Variants in PEMT observed in about 807,000 individuals in gnomAD.
PEMT encodes the protein phospholipid methyltransferase.
PEMT carries 23 observed loss-of-function variants against 27.4 expected under a neutral mutation model. The ratio of observed to expected loss-of-function variants is 0.84; its 90% CI spans 0.60 to 1.19. PEMT has a LOEUF of 1.19. PEMT is among the 50% of genes most tolerant of loss of function. The pLI, the probability that PEMT is intolerant of heterozygous loss-of-function variation, is 0.00. For missense variants in PEMT, 307 were observed against 310.1 expected (o/e 0.99, Z 0.07); for synonymous variants, 137 against 139.1 (o/e 0.98, Z 0.11).
intron 2 of PEMT, among the ~76,000 whole-genome samples, chr17:17,522,737 C>T (rs1383658680): frequency 6.6e-6 from 1 of 152,136 alleles, no homozygotes; most frequent in Admixed American, 6.5e-5. Flanking sequence ...GGTCTGACCT[C>T]AGGCCCTACC....
chr17:17,513,319 A>G lies in PEMT; in HGVS notation c.321-665T>C, dbSNP rs1298590181. ...GCCTTGTAAAAAGGTAGTGGGGTCC[A>G]GGTGTGGTGGCTCACGCCTGCAATC... On this transcript the variant is annotated intron_variant, in intron 3 of 6. Transcript: ENST00000255389. This position sits in a 1 kb window ranked among gnomAD's most constrained non-coding sequence, Gnocchi z 4.1. Among the ~76,000 whole-genome samples the G allele has an allele frequency of 6.6e-6, 1 of 152,188 alleles. No individual in the cohort carries two copies. Among genetic ancestry groups the G allele is most frequent in the Non-Finnish European group, 1.5e-5 (1 of 68,016 alleles).
intron 2 of PEMT, among the ~76,000 whole-genome samples, chr17:17,556,363 GCTCT>G (rs1015578973): frequency 2.0e-5 from 3 of 146,466 alleles, no homozygotes; most frequent in African/African-American, 7.7e-5. Flanking sequence ...CTTCCTTCCT[GCTCT>G]CTCTCTCTCA....
At chr17:17,586,224 G>GAAAGAA in intron 1 of PEMT, among the ~76,000 whole-genome samples, 1 of 48,160 alleles carries the variant, frequency 2.1e-5, no homozygotes, top group African/African-American at 1.0e-4. Flanking sequence ...GAAAAAGAAA[G>GAAAGAA]AAAGAAAGAA....
chr17:17,541,175 A>G (rs1908855694), intron 2 of PEMT, among the ~76,000 whole-genome samples: 1 of 152,226 alleles, frequency 6.6e-6, no homozygotes, highest in South Asian at 2.1e-4. Context: ...TAGAGCACCC[A>G]TATGAGGTAG....
chr17:17,541,183 T>C (rs1489113032), intron 2 of PEMT, among the ~76,000 whole-genome samples: 1 of 152,156 alleles, frequency 6.6e-6, no homozygotes, highest in East Asian at 1.9e-4. Flanking sequence ...CCATATGAGG[T>C]AGGCGCCAGG....
intron 1 of PEMT, among the ~76,000 whole-genome samples, chr17:17,589,246 G>A (rs1251067875): frequency 6.6e-6 from 1 of 150,834 alleles, no homozygotes; most frequent in Non-Finnish European, 1.5e-5. Flanking sequence ...ACAGGCGTGA[G>A]CCACCGTGCC....
At chr17:17,572,566 A>G (rs73298590) in intron 2 of PEMT, among the ~76,000 whole-genome samples, 10,045 of 152,256 alleles carry the variant, frequency 0.066, 859 homozygotes, top group African/African-American at 0.19. Context: ...TTTCTGGTGA[A>G]AGGACACCCA....
At chr17:17,530,976 G>C (rs1333252911) in intron 2 of PEMT, among the ~76,000 whole-genome samples, 2 of 151,678 alleles carry the variant, frequency 1.3e-5, no homozygotes, top group African/African-American at 4.8e-5. Context: ...CCAGGAGGCG[G>C]AGGTTGCAGT....
chr17:17,566,185 G>A (rs111964782), intron 2 of PEMT, among the ~76,000 whole-genome samples: 68 of 152,296 alleles, frequency 4.5e-4, no homozygotes, highest in African/African-American at 1.5e-3. Flanking sequence ...ACACAGCCCC[G>A]CTGGGCTGCA....
intron 5 of PEMT, chr17:17,507,844 T>G (rs1906010615): frequency 6.5e-6 from 1 of 153,124 alleles, no homozygotes; most frequent in African/African-American, 2.4e-5. Flanking sequence ...AATGAGCTCC[T>G]GGACCATTGA....
At chr17:17,574,244 C>CA (rs1158184847) in intron 2 of PEMT, among the ~76,000 whole-genome samples, 8,913 of 44,974 alleles carry the variant, frequency 0.2, 770 homozygotes, top group African/African-American at 0.31. Flanking sequence ...AGCTTATGAC[C>CA]AAAAAAAAAA....
At chr17:17,569,084 T>C (rs1911019106) in intron 2 of PEMT, among the ~76,000 whole-genome samples, 3 of 152,236 alleles carry the variant, frequency 2.0e-5, no homozygotes, top group South Asian at 4.1e-4. Flanking sequence ...TGTCCTGTTC[T>C]GCCCAGGACT....
intron 2 of PEMT, among the ~76,000 whole-genome samples, chr17:17,574,585 T>C (rs184626841): frequency 5.0e-4 from 76 of 152,230 alleles, no homozygotes; most frequent in Middle Eastern, 3.4e-3. Context: ...CCTCCCAAAG[T>C]GCTGGGATTA....
At chr17:17,574,700 C>G (rs1167077184) in intron 2 of PEMT, among the ~76,000 whole-genome samples, 8 of 152,206 alleles carry the variant, frequency 5.3e-5, no homozygotes, top group Admixed American at 5.2e-4. Flanking sequence ...TAAAAACACA[C>G]TGTTGGCTAG....
At chr17:17,591,299 C>A in intron 1 of PEMT, 1 of 545,484 alleles carries the variant, frequency 1.8e-6, no homozygotes, top group Non-Finnish European at 3.3e-6. Context: ...CTCAGGAACG[C>A]CCCCGTCTCT....
chr17:17,508,823 T>C (rs549596845), intron 5 of PEMT: 1 of 454,186 alleles, frequency 2.2e-6, no homozygotes, highest in East Asian at 7.4e-5. Flanking sequence ...TGGGAAGGGG[T>C]ATCTGCCACA....
chr17:17,574,053 T>C (rs896308263), intron 2 of PEMT, among the ~76,000 whole-genome samples: 3 of 152,030 alleles, frequency 2.0e-5, no homozygotes, highest in African/African-American at 4.8e-5. Flanking sequence ...ATCACAGAGC[T>C]GGGCCTCGTC....
chr17:17,514,428 G>A (rs1462586017), intron 3 of PEMT, among the ~76,000 whole-genome samples: 1 of 152,246 alleles, frequency 6.6e-6, no homozygotes, highest in Non-Finnish European at 1.5e-5. Context: ...CCCAAGAGCA[G>A]AGAAGGAGCC....
rs751160664 is a variant in PEMT, at chr17:17,509,565, G to A, written c.467-20C>T. The A allele has an allele frequency of 6.5e-7, 1 of 1,543,280 alleles. No homozygotes were observed. Among genetic ancestry groups the A allele is most frequent in the African/African-American group, 1.4e-5 (1 of 73,512 alleles). Reference sequence around the variant, plus strand: ...AATCACCTGTGGATGAGGCAAGGCAGGGTCCCTCGGCTATTCATCAGCCCT... The same window carrying A: ...AATCACCTGTGGATGAGGCAAGGCAAGGTCCCTCGGCTATTCATCAGCCCT... On this transcript the variant is annotated intron_variant, in intron 4 of 6. Coordinates refer to ENST00000255389, the MANE Select transcript of PEMT (RefSeq NM_148172.3).
Sources: gnomAD v4.1 joint callset for allele counts (sites outside exome capture counted in the v4.1 genomes callset) on GRCh38, gnomAD v4.1.1 for gene constraint, Gnocchi (gnomAD v3.1) non-coding constraint, MANE v1.5 for transcripts, NCBI Gene and HGNC (gene_info 2026-07-23, HGNC 2026-07-21) for gene names.